Variants in NEMP2 observed in about 807,000 individuals in gnomAD.
NEMP2 encodes the protein nuclear envelope integral membrane protein 2.
NEMP2 carries 53 observed loss-of-function variants against 54.2 expected under a neutral mutation model. That is an observed-to-expected ratio of 0.98 (90% CI 0.78 to 1.23). The LOEUF (loss-of-function observed/expected upper bound fraction) is 1.23. Among genes scored for constraint, NEMP2 ranks in the 50% most tolerant of loss-of-function variants. The pLI is 0.00. For missense variants in NEMP2, 455 were observed against 511.3 expected (o/e 0.89, Z 1.06); for synonymous variants, 197 against 190.3 (o/e 1.04, Z -0.29).
chr2:190,588,030 A>G, the NEMP2 span, among the ~76,000 whole-genome samples: 1 of 152,196 alleles, frequency 6.6e-6, no homozygotes, highest in South Asian at 2.1e-4. This position sits in a 1 kb window ranked among gnomAD's most constrained non-coding sequence, Gnocchi z 5.0. Context: ...TGGTTAGCTT[A>G]GCAGATGAGG....
chr2:190,597,737 C>G, the NEMP2 span, among the ~76,000 whole-genome samples: 1 of 151,962 alleles, frequency 6.6e-6, no homozygotes. The surrounding 1 kb of genome is among the most constrained non-coding windows in gnomAD (Gnocchi z 4.7). Flanking sequence ...TTATTTATCA[C>G]GATGCTTTCT....
chr2:190,489,769 G>T, the NEMP2 span: 1 of 1,613,802 alleles, frequency 6.2e-7, no homozygotes, highest in Non-Finnish European at 8.5e-7. This position sits in a 1 kb window ranked among gnomAD's most constrained non-coding sequence, Gnocchi z 6.6. Flanking sequence ...TTTTTATAGG[G>T]GCTGCTGCAA....
the NEMP2 span, among the ~76,000 whole-genome samples, chr2:190,540,810 T>C: frequency 6.6e-6 from 1 of 152,282 alleles, no homozygotes. Flanking sequence ...TTGGTATTAG[T>C]TTTTCTTTCA....
chr2:190,627,825 A>G, the NEMP2 span: 1 of 152,378 alleles, frequency 6.6e-6, no homozygotes, highest in Admixed American at 6.5e-5. This position sits in a 1 kb window ranked among gnomAD's most constrained non-coding sequence, Gnocchi z 4.4. Flanking sequence ...TAAAATAATA[A>G]AGTTATGTGT....
chr2:190,559,899 G>A, the NEMP2 span, among the ~76,000 whole-genome samples: 1 of 152,136 alleles, frequency 6.6e-6, no homozygotes, highest in Non-Finnish European at 1.5e-5. This position sits in a 1 kb window ranked among gnomAD's most constrained non-coding sequence, Gnocchi z 4.0. Context: ...GCTTTGCTCT[G>A]GGATTCAGAT....
upstream of NEMP2, among the ~76,000 whole-genome samples, chr2:190,538,380 G>A (rs565826582): frequency 1.5e-4 from 23 of 152,146 alleles, no homozygotes; most frequent in Non-Finnish European, 2.5e-4. This position sits in a 1 kb window ranked among gnomAD's most constrained non-coding sequence, Gnocchi z 4.1. Flanking sequence ...CTCATTGATG[G>A]ACACTTGGGT....
the NEMP2 span, among the ~76,000 whole-genome samples, chr2:190,648,709 C>G: frequency 6.6e-6 from 1 of 151,434 alleles, no homozygotes; most frequent in Non-Finnish European, 1.5e-5. Flanking sequence ...CTTTGTCGTC[C>G]CCTCCCCGCG....
chr2:190,551,909 A>G, the NEMP2 span, among the ~76,000 whole-genome samples: 4 of 151,934 alleles, frequency 2.6e-5, no homozygotes, highest in South Asian at 2.1e-4. Context: ...GGCCTCCTTT[A>G]TCAGTTGTTC....
the NEMP2 span, chr2:190,488,623 C>A: frequency 7.1e-7 from 1 of 1,413,092 alleles, no homozygotes; most frequent in Non-Finnish European, 9.3e-7. The surrounding 1 kb of genome is among the most constrained non-coding windows in gnomAD (Gnocchi z 6.4). Flanking sequence ...GAAATGCTAA[C>A]CAACTAATCC....
chr2:190,599,259 G>C, the NEMP2 span, among the ~76,000 whole-genome samples: 1 of 152,274 alleles, frequency 6.6e-6, no homozygotes, highest in Admixed American at 6.5e-5. Flanking sequence ...TACACATCTA[G>C]CTTATATGAC....
At chr2:190,640,627 C>T in the NEMP2 span, among the ~76,000 whole-genome samples, 6 of 152,192 alleles carry the variant, frequency 3.9e-5, no homozygotes, top group South Asian at 2.1e-4. Flanking sequence ...TATATGCAAA[C>T]GGAACTATGT....
At chr2:190,426,329 A>C in the NEMP2 span, among the ~76,000 whole-genome samples, 2 of 152,094 alleles carry the variant, frequency 1.3e-5, no homozygotes, top group Admixed American at 6.5e-5. This position sits in a 1 kb window ranked among gnomAD's most constrained non-coding sequence, Gnocchi z 4.7. Flanking sequence ...CTGCTTTATT[A>C]AGTGTATCCA....
At chr2:190,434,928 A>G in the NEMP2 span, among the ~76,000 whole-genome samples, 2 of 152,196 alleles carry the variant, frequency 1.3e-5, no homozygotes, top group African/African-American at 4.8e-5. This position sits in a 1 kb window ranked among gnomAD's most constrained non-coding sequence, Gnocchi z 4.3. Context: ...CTGTCAGATC[A>G]GCAGAGGTAT....
chr2:190,648,433 C>T, the NEMP2 span: 4 of 152,176 alleles, frequency 2.6e-5, no homozygotes, highest in Non-Finnish European at 4.4e-5. Context: ...GCCTCGCCCC[C>T]CCGGGCAGGG....
chr2:190,550,801 C>G, the NEMP2 span, among the ~76,000 whole-genome samples: 1 of 152,116 alleles, frequency 6.6e-6, no homozygotes, highest in Non-Finnish European at 1.5e-5. This position sits in a 1 kb window ranked among gnomAD's most constrained non-coding sequence, Gnocchi z 4.7. Context: ...TGATCTGAAA[C>G]TCATTCACTA....
chr2:190,491,317 C>T, the NEMP2 span, among the ~76,000 whole-genome samples: 1 of 152,196 alleles, frequency 6.6e-6, no homozygotes, highest in African/African-American at 2.4e-5. This position sits in a 1 kb window ranked among gnomAD's most constrained non-coding sequence, Gnocchi z 4.2. Flanking sequence ...CATGTGGAGA[C>T]TTGCATCATG....
intron 6 of NEMP2, among the ~76,000 whole-genome samples, 164 bp downstream of exon 6, chr2:190,516,106 C>A (rs1430452217): frequency 6.6e-6 from 1 of 152,064 alleles, no homozygotes; most frequent in Non-Finnish European, 1.5e-5. Flanking sequence ...CTGAAATCAA[C>A]AACAATGGGA....
At chr2:190,454,507 G>A in the NEMP2 span, 1 of 152,192 alleles carries the variant, frequency 6.6e-6, no homozygotes, top group African/African-American at 2.4e-5. This position sits in a 1 kb window ranked among gnomAD's most constrained non-coding sequence, Gnocchi z 4.6. Context: ...GAGCTTGCTT[G>A]TGTACGACTC....
downstream of NEMP2, chr2:190,500,119 A>G: frequency 6.2e-7 from 1 of 1,614,208 alleles, no homozygotes. This position sits in a 1 kb window ranked among gnomAD's most constrained non-coding sequence, Gnocchi z 5.3. Flanking sequence ...CTGACGCAGC[A>G]GCATCTCAGA....
Sources: gnomAD v4.1 joint callset for allele counts (sites outside exome capture counted in the v4.1 genomes callset) on GRCh38, gnomAD v4.1.1 for gene constraint, Gnocchi (gnomAD v3.1) non-coding constraint, MANE v1.5 for transcripts, NCBI Gene and HGNC (gene_info 2026-07-23, HGNC 2026-07-21) for gene names.